Variants in TSPAN1 observed in about 807,000 individuals in gnomAD.
The protein encoded by TSPAN1 is tetraspanin-1.
In TSPAN1, 23 loss-of-function variants were observed where a neutral mutation model predicts 26.9. The observed-to-expected ratio is 0.85, with a 90% CI of 0.62 to 1.21. The LOEUF is 1.21. Among genes scored for constraint, TSPAN1 ranks in the 50% most tolerant of loss-of-function variants. The pLI, the probability that TSPAN1 is intolerant of heterozygous loss-of-function variation, is 0.00. For synonymous variants in TSPAN1, 115 were observed against 114.8 expected, an observed-to-expected ratio of 1.00 and a Z score of -0.01; for missense variants, 283 against 298.4, an observed-to-expected ratio of 0.95 and a Z score of 0.38.
intron 1 of TSPAN1, among the ~76,000 whole-genome samples, chr1:46,179,310 C>A (rs1657256407): frequency 7.0e-6 from 1 of 142,500 alleles, no homozygotes; most frequent in African/African-American, 2.6e-5. Flanking sequence ...AAGACCCTGT[C>A]TCAGAAAAAA....
chr1:46,184,436 T>A, intron 4 of TSPAN1, 39 bp downstream of exon 4: 1 of 1,612,294 alleles, frequency 6.2e-7, no homozygotes, highest in Non-Finnish European at 8.5e-7. Flanking sequence ...TGACCAAGAG[T>A]CCCCTCGCCC....
intron 1 of TSPAN1, among the ~76,000 whole-genome samples, chr1:46,178,438 C>A (rs1657237094): frequency 6.7e-6 from 1 of 149,638 alleles, no homozygotes; most frequent in Non-Finnish European, 1.5e-5. Flanking sequence ...TCCTCAAATG[C>A]CCCCTTCCCA....
chr1:46,187,285 T>C (rs1480144150), downstream of TSPAN1, among the ~76,000 whole-genome samples: 2 of 152,202 alleles, frequency 1.3e-5, no homozygotes, highest in Non-Finnish European at 2.9e-5. Context: ...CTAGTTCCAC[T>C]TGAAGGGGCA....
At chr1:46,196,170 A>G in the TSPAN1 span, 1 of 1,595,296 alleles carries the variant, frequency 6.3e-7, no homozygotes, top group Non-Finnish European at 8.5e-7. The surrounding 1 kb of genome is among the most constrained non-coding windows in gnomAD (Gnocchi z 4.4). Flanking sequence ...TGCTTGAAAC[A>G]TCACCTCCTG....
At chr1:46,189,153 TA>T, downstream of TSPAN1, 2 of 1,504,022 alleles carry the variant, frequency 1.3e-6, no homozygotes, top group Admixed American at 4.9e-5. Context: ...AGTCTCATGT[TA>T]AAAACAAGGT....
downstream of TSPAN1, chr1:46,190,028 C>A (rs1288891504): frequency 6.2e-7 from 1 of 1,611,882 alleles, no homozygotes; most frequent in East Asian, 2.2e-5. Context: ...AAGACAGGGC[C>A]CACTTCATGG....
At position 46,184,893 on chromosome 1, in the gene TSPAN1, G is replaced by T. The variant is rs751811284; in HGVS notation, c.438+10G>T. 1 of 1,614,212 alleles carries T rather than the reference G, an allele frequency of 6.2e-7. No individual in the cohort carries two copies. Among genetic ancestry groups the T allele is most frequent in the East Asian group, 2.2e-5 (1 of 44,888 alleles). ...CACCACCATGAAAGGGGTAAGGTTG[G>T]CTGGGGGAGGTTTTAGGGTGGAGAG... On this transcript the variant is annotated intron_variant, in intron 6 of 8. Transcript: ENST00000372003.
rs761937411 is a variant in TSPAN1, at chr1:46,185,104, C to A, written c.583C>A (p.Gln195Lys). The A allele has an allele frequency of 6.2e-7, 1 of 1,614,166 alleles. No individual in the cohort carries two copies. Among genetic ancestry groups the A allele is most frequent in the South Asian group, 1.1e-5 (1 of 91,082 alleles). The change falls in exon 7 of 9, where the codon CAA (glutamine) becomes AAA (lysine). Residue 195 changes from glutamine to lysine, a missense_variant. Transcript: ENST00000372003. ...CTGCACCAAGCAAAAGGCTCACGAC[C>A]AAAAAGTAGAGGTGTGGGCTGGCAT... The part of the protein sequence containing the change: ...ETCTKQKAHD[Q>K]KVEGCFNQLL...
the TSPAN1 span, chr1:46,194,655 G>A: frequency 2.1e-5 from 34 of 1,613,978 alleles, no homozygotes; most frequent in South Asian, 3.1e-4. Flanking sequence ...ACAGGACCTG[G>A]CAGGAGGCAG....
chr1:46,189,677 G>T (rs1049733041), downstream of TSPAN1: 4 of 1,545,356 alleles, frequency 2.6e-6, no homozygotes, highest in Non-Finnish European at 3.5e-6. Context: ...ACCTCAATTT[G>T]TAAGAGATAG....
downstream of TSPAN1, chr1:46,190,324 G>T: frequency 1.9e-6 from 2 of 1,067,696 alleles, no homozygotes; most frequent in South Asian, 2.5e-5. Context: ...GATTACAGGC[G>T]TGAGCCACCG....
the TSPAN1 span, chr1:46,193,806 C>G: frequency 2.5e-6 from 4 of 1,610,852 alleles, no homozygotes; most frequent in South Asian, 4.4e-5. Flanking sequence ...GGTAGATGAC[C>G]TAAGCACCCT....
downstream of TSPAN1, among the ~76,000 whole-genome samples, chr1:46,186,614 T>G (rs1657432722): frequency 6.9e-6 from 1 of 145,004 alleles, no homozygotes; most frequent in Admixed American, 6.9e-5. Flanking sequence ...CTCAGCCTCC[T>G]GAGTAGCTGG....
downstream of TSPAN1, chr1:46,190,950 G>A (rs1428542481): frequency 4.4e-6 from 3 of 682,950 alleles, no homozygotes; most frequent in Admixed American, 6.3e-5. Context: ...TCCTCAGCAA[G>A]CTCTTACTAG....
In TSPAN1 at chr1:46,185,709, G is replaced by T. The variant is rs1657415858; in HGVS notation, c.*176G>T. ...ATAGGGACCACTCCTTTTAGGCGATGCCTGACTTTCCTTCCATTGGTGGGT... is the reference window on the plus strand; with the variant it reads ...ATAGGGACCACTCCTTTTAGGCGATTCCTGACTTTCCTTCCATTGGTGGGT... On this transcript the variant is annotated 3_prime_UTR_variant, in exon 9 of 9. Coordinates refer to ENST00000372003, the MANE Select transcript of TSPAN1 (RefSeq NM_005727.4). The T allele has an allele frequency of 1.4e-6, 1 of 701,746 alleles. No homozygotes were observed. 43.5% of individuals were successfully genotyped at this position (701,746 alleles called of 1,614,324 possible). A position where few individuals can be genotyped will look rare whatever the true frequency, so the allele number is the denominator to read the frequency against.
chr1:46,185,703 G>C lies in TSPAN1; in HGVS notation c.*170G>C, dbSNP rs1050989202. On this transcript the variant is annotated 3_prime_UTR_variant, in exon 9 of 9. Transcript: ENST00000372003. The stretch of plus-strand genomic sequence containing the variant: ...GGCTAGATAGGGACCACTCCTTTTA[G>C]GCGATGCCTGACTTTCCTTCCATTG... 4 of 722,030 alleles carry C rather than the reference G, an allele frequency of 5.5e-6. No homozygotes were observed. The highest frequency in any genetic ancestry group is 9.3e-6 in the Non-Finnish European group (4 of 430,382). The allele number at this position is 722,030 out of a possible 1,614,324, so 44.7% of individuals were successfully genotyped here.
At chr1:46,189,267 G>A, downstream of TSPAN1, 3 of 1,613,108 alleles carry the variant, frequency 1.9e-6, no homozygotes, top group Non-Finnish European at 1.7e-6. Flanking sequence ...CCTGGAGGAG[G>A]TCTCATGTCT....
the TSPAN1 span, chr1:46,192,646 CAG>C: frequency 8.1e-6 from 13 of 1,608,136 alleles, no homozygotes; most frequent in Admixed American, 1.7e-5. Flanking sequence ...TCTAGTCACA[CAG>C]AGATGCTAGA....
downstream of TSPAN1, among the ~76,000 whole-genome samples, chr1:46,187,309 T>C (rs992468961): frequency 2.6e-5 from 4 of 152,122 alleles, no homozygotes; most frequent in African/African-American, 9.7e-5. Context: ...GGCCAGAATG[T>C]CTGATATAGA....
Sources: gnomAD v4.1 joint callset for allele counts (sites outside exome capture counted in the v4.1 genomes callset) on GRCh38, gnomAD v4.1.1 for gene constraint, Gnocchi (gnomAD v3.1) non-coding constraint, MANE v1.5 for transcripts, NCBI Gene and HGNC (gene_info 2026-07-23, HGNC 2026-07-21) for gene names.